Variants in ZNF391 observed in about 807,000 individuals in gnomAD.
The protein encoded by ZNF391 is zinc finger protein 391.
For missense variants in ZNF391, 375 were observed against 425.5 expected (o/e 0.88, Z 1.04); for synonymous variants, 126 against 142.1 (o/e 0.89, Z 0.80).
At chr6:27,395,111 A>T (rs1761794320) in intron 1 of ZNF391, 1 of 152,040 alleles carries the variant, frequency 6.6e-6, no homozygotes, top group Non-Finnish European at 1.5e-5. Flanking sequence ...ACTTTAGGGG[A>T]CTATTGAGCA....
Position 27,400,536 on chromosome 6 carries a change from G to C in ZNF391, c.166G>C (p.Gly56Arg). The change falls in exon 3 of 3, where the codon GGG becomes CGG. Residue 56 changes from glycine (G) to arginine (R), a missense_variant. Transcript: ENST00000244576. Reference sequence around the variant, plus strand: ...AGTGACACTCAAAGAAATTTTCACAGGGGAGGAAGGCCCTGAATCCAGTGA... The same window carrying C: ...AGTGACACTCAAAGAAATTTTCACACGGGAGGAAGGCCCTGAATCCAGTGA... Reference protein sequence around the residue: ...VSVTLKEIFTGEEGPESSEFS... With the variant: ...VSVTLKEIFTREEGPESSEFS... 3 of 1,614,200 alleles carry C rather than the reference G, an allele frequency of 1.9e-6. No individual in the cohort carries two copies. Among genetic ancestry groups the C allele is most frequent in the Non-Finnish European group, 8.5e-7 (1 of 1,180,024 alleles).
Position 27,401,288 on chromosome 6 carries a change from G to A in ZNF391, c.918G>A (p.Glu306=), listed in dbSNP as rs773754113. 2 of 1,614,116 alleles carry A rather than the reference G, an allele frequency of 1.2e-6. No homozygotes were observed. Among genetic ancestry groups the A allele is most frequent in the Non-Finnish European group, 1.7e-6 (2 of 1,180,022 alleles). ...QRIHSGEKPH[E]CRVCGKGFSR... is the part of the protein sequence containing the mutation. The stretch of plus-strand genomic sequence containing the variant: ...TCCACAGTGGAGAAAAGCCTCACGA[G>A]TGTAGAGTGTGTGGAAAGGGCTTCA... The change falls in exon 3 of 3, where the codon GAG becomes GAA. Residue 306 remains glutamate, a synonymous_variant. Transcript: ENST00000244576.
intron 1 of ZNF391, among the ~76,000 whole-genome samples, chr6:27,380,576 C>T (rs1031440552): frequency 6.6e-6 from 1 of 152,206 alleles, no homozygotes; most frequent in Non-Finnish European, 1.5e-5. Context: ...CCACTGCTGG[C>T]TCGGGCAGCC....
At chr6:27,380,690 TA>T (rs879814262) in intron 1 of ZNF391, among the ~76,000 whole-genome samples, 104,655 of 150,550 alleles carry the variant, frequency 0.7, 38,497 homozygotes, top group Middle Eastern at 0.78. Flanking sequence ...ATCCCTGAGC[TA>T]GACACAAAGG....
At chr6:27,391,684 G>A (rs753125640) in intron 1 of ZNF391, among the ~76,000 whole-genome samples, 17 of 152,090 alleles carry the variant, frequency 1.1e-4, no homozygotes, top group African/African-American at 3.9e-4. Flanking sequence ...TTTTCTGAAC[G>A]TGTGTTTCAT....
At chr6:27,384,870 T>A (rs1349081159), upstream of ZNF391, among the ~76,000 whole-genome samples, 1 of 151,938 alleles carries the variant, frequency 6.6e-6, no homozygotes, top group African/African-American at 2.4e-5. Flanking sequence ...GTACAAAAAT[T>A]AGCCGGGCAT....
In ZNF391 at chr6:27,400,654, A is replaced by G; in HGVS notation, c.284A>G (p.Asp95Gly). The change falls in exon 3 of 3, where the codon GAC becomes GGC. Residue 95 changes from aspartate to glycine, a missense_variant. Physicochemically the swap from Asp to Gly is moderately conservative, Grantham distance 94. Transcript: ENST00000244576. ...AGGAAAAACTCCAAAGATAATTCAG[A>G]CTTAATTAAACACCAAAGACTTTTC... is the stretch of plus-strand genomic sequence containing the variant. ...ISRKNSKDNS[D>G]LIKHQRLFSQ... The G allele has an allele frequency of 6.2e-7, 1 of 1,614,174 alleles. No homozygotes were observed. Among genetic ancestry groups the G allele is most frequent in the South Asian group, 1.1e-5 (1 of 91,082 alleles).
chr6:27,380,740 T>C (rs1295356409), intron 1 of ZNF391, among the ~76,000 whole-genome samples: 1 of 18,008 alleles, frequency 5.6e-5, no homozygotes, highest in Non-Finnish European at 1.7e-4. Flanking sequence ...ATACAGAGGG[T>C]TGACACAAAG....
chr6:27,380,274 C>A (rs986051103), intron 1 of ZNF391, among the ~76,000 whole-genome samples: 9 of 151,904 alleles, frequency 5.9e-5, no homozygotes, highest in Admixed American at 1.3e-4. Flanking sequence ...GGAGTTTGTT[C>A]CTTCTGATGT....
At position 27,376,202 on chromosome 6, in the gene ZNF391, A is replaced by C. The variant is rs114739078; in HGVS notation, n.523+1065A>C. 5.9e-3 allele frequency among the ~76,000 whole-genome samples: 891 copies of C among 152,260 alleles called. 7 individuals carry two copies. Among genetic ancestry groups the C allele is most frequent in the Middle Eastern group, 0.02 (6 of 294 alleles). On this transcript the variant is annotated intron_variant and non_coding_transcript_variant, in intron 1 of 2. Transcript: ENST00000477999. This position sits in a 1 kb window ranked among gnomAD's most constrained non-coding sequence, Gnocchi z 4.7. ...GCTACTCTCACTAAAAAAAGATAAT[A>C]TTGTTTGCTGAAATCATAAGATTGT...
Position 27,401,692 on chromosome 6 carries a change from A to G in ZNF391, c.*245A>G. On this transcript the variant is annotated 3_prime_UTR_variant, in exon 3 of 3. Coordinates refer to ENST00000244576, the MANE Select transcript of ZNF391 (RefSeq NM_001076781.3). ...CCTGTTCTTTCTTTCTCTTTTCTCA[A>G]ATAAGTTCACAATAAAACAAAGGGA... 2 of 356,698 alleles carry G rather than the reference A, an allele frequency of 5.6e-6. No homozygotes were observed. Among genetic ancestry groups the G allele is most frequent in the East Asian group, 4.4e-5 (1 of 22,552 alleles). The allele number at this position is 356,698 out of a possible 1,614,324, so 22.1% of individuals were successfully genotyped here.
At chr6:27,395,298 T>C (rs1441201557) in intron 1 of ZNF391, among the ~76,000 whole-genome samples, 1 of 152,104 alleles carries the variant, frequency 6.6e-6, no homozygotes, top group Non-Finnish European at 1.5e-5. Context: ...AGATCCCTCG[T>C]GGCTTGGTGC....
intron 1 of ZNF391, among the ~76,000 whole-genome samples, chr6:27,397,036 A>G (rs1304926850): frequency 6.6e-6 from 1 of 152,254 alleles, no homozygotes; most frequent in East Asian, 1.9e-4. Context: ...GAGAGAGGTT[A>G]TAGTGAACTG....
chr6:27,381,117 G>A (rs1038016415), intron 1 of ZNF391, among the ~76,000 whole-genome samples: 2 of 152,228 alleles, frequency 1.3e-5, no homozygotes, highest in Admixed American at 6.5e-5. Flanking sequence ...TGGAGCAGGG[G>A]GCGGCGCTCA....
intron 1 of ZNF391, among the ~76,000 whole-genome samples, chr6:27,398,139 C>T (rs903337904): frequency 1.3e-5 from 2 of 152,188 alleles, no homozygotes; most frequent in Admixed American, 6.5e-5. Context: ...TCTGAGAGGT[C>T]CCAGTCTATG....
At chr6:27,388,739 C>G, upstream of ZNF391, 2 of 352,262 alleles carry the variant, frequency 5.7e-6, no homozygotes, top group South Asian at 4.2e-5. Flanking sequence ...GCGACCGCTG[C>G]TGATACGTTG....
chr6:27,401,266 A>G lies in ZNF391; in HGVS notation c.896A>G (p.His299Arg). ...TCTCTTACAGAACATCAGAGAATCC[A>G]CAGTGGAGAAAAGCCTCACGAGTGT... Reference protein sequence around the residue: ...SSSLTEHQRIHSGEKPHECRV... With the variant: ...SSSLTEHQRIRSGEKPHECRV... The change falls in exon 3 of 3, where the codon CAC becomes CGC. Residue 299 changes from histidine (H) to arginine (R), a missense_variant. Coordinates refer to ENST00000244576, the MANE Select transcript of ZNF391 (RefSeq NM_001076781.3). The G allele has an allele frequency of 6.2e-7, 1 of 1,614,180 alleles. No homozygotes were observed. The highest frequency in any genetic ancestry group is 1.1e-5 in the South Asian group (1 of 91,084).
rs1424862855 is a variant in ZNF391, at chr6:27,402,922, C to G, written c.*1475C>G. The stretch of plus-strand genomic sequence containing the variant: ...CTTGTTTTTGATTGATATAAAACAT[C>G]ACAAAGTACTGAGTAGACACTAAAT... On this transcript the variant is annotated 3_prime_UTR_variant, in exon 3 of 3. Coordinates refer to ENST00000244576, the MANE Select transcript of ZNF391 (RefSeq NM_001076781.3). The G allele has an allele frequency of 6.6e-6, 1 of 152,184 alleles. No individual in the cohort carries two copies. The highest frequency in any genetic ancestry group is 2.4e-5 in the African/African-American group (1 of 41,442). The allele number at this position is 152,184 out of a possible 1,614,324, so 9.4% of individuals were successfully genotyped here. A position where few individuals can be genotyped will look rare whatever the true frequency, so the allele number is the denominator to read the frequency against.
intron 1 of ZNF391, among the ~76,000 whole-genome samples, chr6:27,381,316 AG>A (rs1383497940): frequency 6.6e-6 from 1 of 152,228 alleles, no homozygotes; most frequent in East Asian, 1.9e-4. Flanking sequence ...CCGGGTGCTA[AG>A]CCCCTCATTG....
Sources: allele counts gnomAD v4.1 joint callset (sites outside exome capture counted in the v4.1 genomes callset), GRCh38; gene constraint gnomAD v4.1.1; non-coding constraint Gnocchi (gnomAD v3.1); transcripts MANE v1.5; gene names NCBI Gene and HGNC (gene_info 2026-07-23, HGNC 2026-07-21).